RXRA: variants seen among roughly 807,000 people sequenced by gnomAD.
The protein encoded by RXRA is retinoid X receptor alpha, also known as retinoic acid receptor RXR-alpha.
A neutral mutation model predicts 44.5 loss-of-function variants in RXRA; 5 were observed. The ratio of observed to expected loss-of-function variants is 0.11; its 90% confidence interval spans 0.06 to 0.24. The LOEUF is 0.24. RXRA is among the 10% of genes least tolerant of loss of function. The probability of loss-of-function intolerance (pLI) is 1.00; values close to 1 mark genes in which losing one functional copy is unlikely to be tolerated. For synonymous variants in RXRA, 291 were observed against 271.4 expected, an observed-to-expected ratio of 1.07 and a Z score of -0.71; for missense variants, 412 against 646.5, an observed-to-expected ratio of 0.64 and a Z score of 3.93.
At chr9:134,400,643 C>T (rs1445173711) in intron 1 of RXRA, among the ~76,000 whole-genome samples, 1 of 152,222 alleles carries the variant, frequency 6.6e-6, no homozygotes, top group Non-Finnish European at 1.5e-5. Context: ...GATTCGCCAC[C>T]TGGGAGCCTC....
At chr9:134,344,772 C>G (rs1830130221) in intron 1 of RXRA, among the ~76,000 whole-genome samples, 1 of 152,198 alleles carries the variant, frequency 6.6e-6, no homozygotes, top group Admixed American at 6.5e-5. Context: ...CCCACTCTGA[C>G]CGGTGTCTGT....
intron 8 of RXRA, 92 bp from the exon 9 acceptor site, chr9:134,434,010 C>A: frequency 2.2e-6 from 2 of 896,378 alleles, no homozygotes; most frequent in Non-Finnish European, 3.5e-6. Flanking sequence ...GGTGGGGCAG[C>A]CTGGGAGACC....
intron 1 of RXRA, among the ~76,000 whole-genome samples, chr9:134,328,092 G>T (rs1255878336): frequency 3.3e-5 from 5 of 152,184 alleles, no homozygotes; most frequent in African/African-American, 1.2e-4. Flanking sequence ...CGCTGTCTGT[G>T]ACCGAGTGCA....
chr9:134,360,573 C>T (rs1013078189), intron 1 of RXRA, among the ~76,000 whole-genome samples: 1 of 152,262 alleles, frequency 6.6e-6, no homozygotes, highest in African/African-American at 2.4e-5. Flanking sequence ...GTGTGCAGGT[C>T]GCTCGCGGTT....
At chr9:134,378,151 C>T (rs1588273959) in intron 1 of RXRA, among the ~76,000 whole-genome samples, 1 of 152,246 alleles carries the variant, frequency 6.6e-6, no homozygotes, top group South Asian at 2.1e-4. Context: ...CTGGGCAGGG[C>T]CGGGGCAGAG....
chr9:134,405,748 G>T, intron 2 of RXRA: 1 of 152,768 alleles, frequency 6.5e-6, no homozygotes, highest in Non-Finnish European at 1.5e-5. Flanking sequence ...GGCCCAAGGG[G>T]CTCCTGCTCA....
In RXRA at chr9:134,433,539, C is replaced by T. The variant is rs1564300072; in HGVS notation, c.1136-563C>T. Among the ~76,000 whole-genome samples, 1 of 149,846 alleles carries T rather than the reference C, an allele frequency of 6.7e-6. No individual in the cohort carries two copies. The highest frequency in any genetic ancestry group is 1.5e-5 in the Non-Finnish European group (1 of 67,864). On this transcript the variant is annotated intron_variant, in intron 8 of 9. Coordinates refer to ENST00000481739, the MANE Select transcript of RXRA (RefSeq NM_002957.6). This position sits in a 1 kb window ranked among gnomAD's most constrained non-coding sequence, Gnocchi z 4.2. ...GGGCCTTGGGGGCCAAGGTGGCATT[C>T]ACAGGGGGTCCCTGGGCCTTGGAGG...
chr9:134,434,060 C>T (rs376910846), intron 8 of RXRA, 42 bp from the exon 9 acceptor site: 52 of 1,501,298 alleles, frequency 3.5e-5, no homozygotes, highest in African/African-American at 9.6e-5. Context: ...GCCCGAGACA[C>T]GCCCCAGCTG....
At chr9:134,387,169 G>T (rs1830732393) in intron 1 of RXRA, among the ~76,000 whole-genome samples, 1 of 152,236 alleles carries the variant, frequency 6.6e-6, no homozygotes, top group African/African-American at 2.4e-5. Flanking sequence ...CACCCATCCT[G>T]CTGGTGGAGG....
At chr9:134,431,063 C>T (rs1330233467) in intron 7 of RXRA, among the ~76,000 whole-genome samples, 1 of 152,258 alleles carries the variant, frequency 6.6e-6, no homozygotes, top group East Asian at 1.9e-4. Context: ...CCCCATTCTG[C>T]AGACCCTCAG....
In RXRA at chr9:134,409,950, A is replaced by G. The variant is rs564830401; in HGVS notation, c.610+831A>G. 1.8e-4 allele frequency among the ~76,000 whole-genome samples: 27 copies of G among 152,222 alleles called. No individual in the cohort carries two copies. The South Asian group carries it at 5.4e-3, about 30-fold the overall frequency. On this transcript the variant is annotated intron_variant, in intron 4 of 9. Coordinates refer to ENST00000481739, the MANE Select transcript of RXRA (RefSeq NM_002957.6). ...TCTGCTGTGCTGCTCCTGAGGCCCA[A>G]CACCTGTGTGGCTGGTGTGTCTTAC...
intron 1 of RXRA, among the ~76,000 whole-genome samples, chr9:134,364,397 C>T (rs533339394): frequency 2.6e-5 from 4 of 152,320 alleles, no homozygotes; most frequent in South Asian, 4.1e-4. Context: ...CCTCAGATGC[C>T]GACTCCAGGA....
chr9:134,436,792 T>A lies in RXRA; in HGVS notation c.*178T>A. On this transcript the variant is annotated 3_prime_UTR_variant, in exon 10 of 10. Transcript: ENST00000481739. The stretch of plus-strand genomic sequence containing the variant: ...TTGTCACCCTCCTTATTTCTGTTAC[T>A]ACTTGTCTGTGGCCCAGGGCAGTGG... 1 of 691,490 alleles carries A rather than the reference T, an allele frequency of 1.4e-6. No homozygotes were observed. The highest frequency in any genetic ancestry group is 2.4e-6 in the Non-Finnish European group (1 of 423,038). 42.8% of individuals were successfully genotyped at this position (691,490 alleles called of 1,614,324 possible). A position where few individuals can be genotyped will look rare whatever the true frequency, so the allele number is the denominator to read the frequency against.
chr9:134,379,203 G>T (rs563374316), intron 1 of RXRA: 1 of 916,602 alleles, frequency 1.1e-6, no homozygotes, highest in African/African-American at 1.8e-5. Context: ...GGACCTGCTT[G>T]TCCGTGCTTA....
chr9:134,359,571 G>A (rs934038477), intron 1 of RXRA, among the ~76,000 whole-genome samples: 2 of 152,198 alleles, frequency 1.3e-5, no homozygotes, highest in African/African-American at 4.8e-5. Flanking sequence ...CGCCTGGGGA[G>A]GGCTGGAAGG....
rs553428705 is a variant in RXRA at position 134,407,056 on chromosome 9, C to T, written c.280-1093C>T. Among the ~76,000 whole-genome samples, 3 of 152,204 alleles carry T rather than the reference C, an allele frequency of 2.0e-5. No homozygotes were observed. The highest frequency in any genetic ancestry group is 4.4e-5 in the Non-Finnish European group (3 of 68,036). Reference sequence around the variant, plus strand: ...CCTCTCGCAGCCCACCTGAGTCCTGCAGGGACCAAGCATCCTTGTAAAGCC... The same window carrying T: ...CCTCTCGCAGCCCACCTGAGTCCTGTAGGGACCAAGCATCCTTGTAAAGCC... On this transcript the variant is annotated intron_variant, in intron 2 of 9. Transcript: ENST00000481739. The surrounding 1 kb of genome is among the most constrained non-coding windows in gnomAD (Gnocchi z 4.8).
chr9:134,334,226 C>T (rs1281075877), intron 1 of RXRA, among the ~76,000 whole-genome samples: 1 of 152,270 alleles, frequency 6.6e-6, no homozygotes, highest in African/African-American at 2.4e-5. Flanking sequence ...GAGGGCAGGG[C>T]CCTTCTGAGG....
intron 1 of RXRA, among the ~76,000 whole-genome samples, chr9:134,371,270 C>T (rs925838291): frequency 6.6e-6 from 1 of 152,138 alleles, no homozygotes; most frequent in South Asian, 2.1e-4. Context: ...AGTCCCTTGA[C>T]CCCCCCAGGC....
At chr9:134,412,603 G>A (rs1011984477) in intron 4 of RXRA, among the ~76,000 whole-genome samples, 9 of 152,314 alleles carry the variant, frequency 5.9e-5, no homozygotes, top group East Asian at 1.9e-4. Context: ...GACTCGTTCC[G>A]CAGCATTCCC....
Sources: allele counts gnomAD v4.1 joint callset (sites outside exome capture counted in the v4.1 genomes callset), GRCh38; gene constraint gnomAD v4.1.1; non-coding constraint Gnocchi (gnomAD v3.1); transcripts MANE v1.5; gene names NCBI Gene and HGNC (gene_info 2026-07-23, HGNC 2026-07-21).